The following MAP2K5 variants were observed in gnomAD, a reference collection of about 807,000 sequenced individuals.
The protein encoded by MAP2K5 is mitogen-activated protein kinase kinase 5, also known as dual specificity mitogen-activated protein kinase kinase 5.
A neutral mutation model predicts 83.1 loss-of-function variants in MAP2K5; 49 were observed. That is an observed-to-expected ratio of 0.59 (90% CI 0.47 to 0.75). The LOEUF (loss-of-function observed/expected upper bound fraction) is 0.75, where lower values mean the gene tolerates loss of function less well. Ranked by LOEUF, MAP2K5 falls within the 30% of genes least tolerant of loss-of-function variation. MAP2K5 has a pLI of 0.00. For synonymous variants in MAP2K5, 202 were observed against 191.8 expected (o/e 1.05, Z -0.44); for missense variants, 457 against 557.5 (o/e 0.82, Z 1.82).
rs527349350 is a variant in MAP2K5, at chr15:67,707,016, A to T, written c.1044+3608A>T. ...CTGCAACCTCCGCCTCCCAGGTTCAAGTGATTCTCCTGCCTCAGCCTCCCG... is the reference window on the plus strand; with the variant it reads ...CTGCAACCTCCGCCTCCCAGGTTCATGTGATTCTCCTGCCTCAGCCTCCCG... On this transcript the variant is annotated intron_variant, in intron 16 of 21. Coordinates refer to ENST00000178640, the MANE Select transcript of MAP2K5 (RefSeq NM_145160.3). Among the ~76,000 whole-genome samples, 418 of 152,270 alleles carry T rather than the reference A, an allele frequency of 2.7e-3. 2 individuals carry two copies. Among genetic ancestry groups the T allele is most frequent in the Non-Finnish European group, 4.9e-3 (333 of 68,016 alleles).
intron 15 of MAP2K5, among the ~76,000 whole-genome samples, 182 bp downstream of exon 15, chr15:67,693,750 C>A (rs893056783): frequency 1.6e-4 from 24 of 152,136 alleles, no homozygotes; most frequent in African/African-American, 5.3e-4. Context: ...TTTACAGGAG[C>A]TATCAACTTA....
intron 13 of MAP2K5, among the ~76,000 whole-genome samples, chr15:67,680,948 A>G (rs1001959680): frequency 6.6e-6 from 1 of 152,216 alleles, no homozygotes; most frequent in African/African-American, 2.4e-5. Context: ...TAGCATTTGG[A>G]TATGAGCCAA....
At position 67,718,338 on chromosome 15, in the gene MAP2K5, G is replaced by A. The variant is rs28449612; in HGVS notation, c.1045-9578G>A. The stretch of plus-strand genomic sequence containing the variant: ...TGATTAGGGGTGCCTGCTGTCAGAG[G>A]ACACAGGTCAGCGTTACACAAACTT... On this transcript the variant is annotated intron_variant, in intron 16 of 21. Coordinates refer to ENST00000178640, the MANE Select transcript of MAP2K5 (RefSeq NM_145160.3). 5.5e-3 allele frequency among the ~76,000 whole-genome samples: 830 copies of A among 152,274 alleles called. 12 individuals carry two copies. Among genetic ancestry groups the A allele is most frequent in the African/African-American group, 0.019 (781 of 41,546 alleles).
At chr15:67,686,061 G>A (rs532201373) in intron 13 of MAP2K5, among the ~76,000 whole-genome samples, 47 of 152,274 alleles carry the variant, frequency 3.1e-4, no homozygotes, top group African/African-American at 1.1e-3. Context: ...AACTAGCCCA[G>A]CTAACCCAAA....
chr15:67,628,834 C>A (rs1048329290), intron 8 of MAP2K5: 47 of 749,790 alleles, frequency 6.3e-5, no homozygotes, highest in Admixed American at 4.0e-4. Flanking sequence ...GACGAAACTT[C>A]AGTGGTCATG....
At chr15:67,737,276 C>T (rs988181779) in intron 17 of MAP2K5, among the ~76,000 whole-genome samples, 7 of 152,168 alleles carry the variant, frequency 4.6e-5, no homozygotes, top group Non-Finnish European at 8.8e-5. Flanking sequence ...GTAGCAGCAG[C>T]AACAGACAAA....
chr15:67,617,138 C>T (rs2086072922), intron 8 of MAP2K5, among the ~76,000 whole-genome samples: 1 of 152,088 alleles, frequency 6.6e-6, no homozygotes, highest in African/African-American at 2.4e-5. Context: ...TATTTCCGTG[C>T]TCATTTTGAT....
At position 67,758,260 on chromosome 15, in the gene MAP2K5, G is replaced by C. The variant is rs1303603135; in HGVS notation, c.1134+9659G>C. On this transcript the variant is annotated intron_variant, in intron 19 of 21. Transcript: ENST00000178640. This position sits in a 1 kb window ranked among gnomAD's most constrained non-coding sequence, Gnocchi z 4.7. ...ATGTTTGAAGGGTATTTAGGAGATG[G>C]AGCTAACTGCATTTGGTAAATAACT... 6.6e-6 allele frequency among the ~76,000 whole-genome samples: 1 copy of C among 152,098 alleles called. No homozygotes were observed. The highest frequency in any genetic ancestry group is 1.5e-5 in the Non-Finnish European group (1 of 68,036).
At chr15:67,740,745 T>C (rs894967828) in intron 17 of MAP2K5, among the ~76,000 whole-genome samples, 7 of 152,196 alleles carry the variant, frequency 4.6e-5, no homozygotes, top group Admixed American at 4.6e-4. Context: ...TGTGAATGCA[T>C]GGCCTGGCGT....
rs938821907 is a variant in MAP2K5, at chr15:67,702,664, T to C, written c.973-673T>C. Among the ~76,000 whole-genome samples, 3 of 152,210 alleles carry C rather than the reference T, an allele frequency of 2.0e-5. No individual in the cohort carries two copies. On this transcript the variant is annotated intron_variant, in intron 15 of 21. Transcript: ENST00000178640. This position sits in a 1 kb window ranked among gnomAD's most constrained non-coding sequence, Gnocchi z 4.6. The stretch of plus-strand genomic sequence containing the variant: ...GTTGAGAGTGTTTATGTAGCCTCTT[T>C]TAGACCGGGTATTTGCTATACATCT...
At chr15:67,670,808 T>C (rs1457607706) in intron 13 of MAP2K5, among the ~76,000 whole-genome samples, 1 of 151,862 alleles carries the variant, frequency 6.6e-6, no homozygotes, top group African/African-American at 2.4e-5. Context: ...GGAAGGATAG[T>C]GGGAAGAGAA....
chr15:67,694,108 A>G (rs1002389811), intron 15 of MAP2K5, among the ~76,000 whole-genome samples: 1 of 152,182 alleles, frequency 6.6e-6, no homozygotes, highest in Non-Finnish European at 1.5e-5. Context: ...GTTGCACTGA[A>G]ATAAACTTAC....
chr15:67,673,843 T>TTTTG (rs749287871), intron 13 of MAP2K5, among the ~76,000 whole-genome samples: 2 of 152,022 alleles, frequency 1.3e-5, no homozygotes, highest in African/African-American at 2.4e-5. Flanking sequence ...GAGGATCAGT[T>TTTTG]TTTGTTTGTT....
intron 12 of MAP2K5, among the ~76,000 whole-genome samples, chr15:67,662,924 A>G (rs991759275): frequency 1.3e-5 from 2 of 152,100 alleles, no homozygotes; most frequent in Non-Finnish European, 2.9e-5. Context: ...CTGCCCCAAT[A>G]TACTTTATAA....
chr15:67,586,085 G>A (rs1357535585), intron 5 of MAP2K5, among the ~76,000 whole-genome samples, 155 bp downstream of exon 5: 1 of 152,074 alleles, frequency 6.6e-6, no homozygotes, highest in Non-Finnish European at 1.5e-5. Context: ...TTCATCTGTA[G>A]TATTTGCTCA....
At chr15:67,752,310 G>C (rs1034215523) in intron 19 of MAP2K5, among the ~76,000 whole-genome samples, 4 of 151,634 alleles carry the variant, frequency 2.6e-5, no homozygotes, top group African/African-American at 9.7e-5. Flanking sequence ...CAAGTGATCC[G>C]CCTACCTTGG....
At chr15:67,678,262 G>T (rs1183507474) in intron 13 of MAP2K5, among the ~76,000 whole-genome samples, 2 of 152,150 alleles carry the variant, frequency 1.3e-5, no homozygotes, top group Non-Finnish European at 2.9e-5. Context: ...GCTAGGAGAG[G>T]TTGCTAGGAG....
Position 67,774,506 on chromosome 15 carries a change from C to CAGG in MAP2K5, c.1242+1754_1242+1755insAGG, listed in dbSNP as rs2090202623. Among the ~76,000 whole-genome samples, 1 of 152,044 alleles carries CAGG rather than the reference C, an allele frequency of 6.6e-6. No homozygotes were observed. Among genetic ancestry groups the CAGG allele is most frequent in the Non-Finnish European group, 1.5e-5 (1 of 68,008 alleles). ...GCTGTGGTCAGAGAGTGAGCCCTGC[C>CAGG]TGGACTTTGGGCAAAAGATTGGGCC... On this transcript the variant is annotated intron_variant, in intron 21 of 21. Coordinates refer to ENST00000178640, the MANE Select transcript of MAP2K5 (RefSeq NM_145160.3). The surrounding 1 kb of genome is among the most constrained non-coding windows in gnomAD (Gnocchi z 4.9).
chr15:67,738,295 G>A lies in MAP2K5; in HGVS notation c.1075-9936G>A, dbSNP rs770278443. ...CTCTTCTGGGCATAAGGCATGAGGCGACCTGGACTCCAGGCCTAGTTGGTA... is the reference window on the plus strand; with the variant it reads ...CTCTTCTGGGCATAAGGCATGAGGCAACCTGGACTCCAGGCCTAGTTGGTA... On this transcript the variant is annotated intron_variant, in intron 17 of 21. Transcript: ENST00000178640. The surrounding 1 kb of genome is among the most constrained non-coding windows in gnomAD (Gnocchi z 4.1). Among the ~76,000 whole-genome samples the A allele has an allele frequency of 1.3e-5, 2 of 152,190 alleles. No individual in the cohort carries two copies. The highest frequency in any genetic ancestry group is 2.9e-5 in the Non-Finnish European group (2 of 68,038).
Sources: allele counts gnomAD v4.1 joint callset (sites outside exome capture counted in the v4.1 genomes callset), GRCh38; gene constraint gnomAD v4.1.1; non-coding constraint Gnocchi (gnomAD v3.1); transcripts MANE v1.5; gene names NCBI Gene and HGNC (gene_info 2026-07-23, HGNC 2026-07-21).